SHANK2: variants seen among roughly 807,000 people sequenced by gnomAD.
SHANK2 encodes the protein SH3 and multiple ankyrin repeat domains protein 2.
SHANK2 carries 43 observed loss-of-function variants against 133.7 expected under a neutral mutation model. The observed-to-expected ratio is 0.32, with a 90% CI of 0.25 to 0.41. SHANK2 has a LOEUF of 0.41. SHANK2 is among the 10% of genes least tolerant of loss of function. The pLI is 1.00. For synonymous variants in SHANK2, 1,017 were observed against 952.8 expected (o/e 1.07, Z -1.24); for missense variants, 1,994 against 2,235.8 (o/e 0.89, Z 2.18).
chr11:71,154,313 G>A (rs1164082356), intron 2 of SHANK2, among the ~76,000 whole-genome samples: 4 of 152,266 alleles, frequency 2.6e-5, no homozygotes, highest in African/African-American at 4.8e-5. Flanking sequence ...AGGTTCCATC[G>A]GATGTTAGAA....
intron 12 of SHANK2, among the ~76,000 whole-genome samples, chr11:70,817,645 T>C (rs782652914): frequency 1.3e-5 from 2 of 152,180 alleles, no homozygotes; most frequent in Non-Finnish European, 2.9e-5. Flanking sequence ...TAAGAACCAA[T>C]GTGGAATGCG....
chr11:70,661,773 A>G (rs781867920), intron 15 of SHANK2, 95 bp from the exon 16 acceptor site: 9 of 1,613,910 alleles, frequency 5.6e-6, no homozygotes, highest in South Asian at 2.2e-5. Flanking sequence ...ATCATAGCCA[A>G]TTAATCACCC....
At chr11:70,781,587 C>T (rs1322841607) in intron 14 of SHANK2, among the ~76,000 whole-genome samples, 1,473 of 17,240 alleles carry the variant, frequency 0.085, 15 homozygotes, top group African/African-American at 0.14. Flanking sequence ...TATATATTTA[C>T]TTATTTATTT....
At chr11:70,550,001 C>A (rs1554977448) in intron 17 of SHANK2, among the ~76,000 whole-genome samples, 1 of 152,130 alleles carries the variant, frequency 6.6e-6, no homozygotes. Context: ...CAGGGCACTG[C>A]CCTGTAGCCT....
chr11:70,790,499 C>G (rs1947765006), intron 14 of SHANK2, among the ~76,000 whole-genome samples: 1 of 152,160 alleles, frequency 6.6e-6, no homozygotes, highest in South Asian at 2.1e-4. Context: ...GGTGGGCCTC[C>G]TCCAATCATT....
At chr11:70,649,360 G>A (rs1417176565) in intron 17 of SHANK2, among the ~76,000 whole-genome samples, 1 of 152,084 alleles carries the variant, frequency 6.6e-6, no homozygotes, top group African/African-American at 2.4e-5. Flanking sequence ...GACCACAGCG[G>A]GGCTACCATT....
intron 17 of SHANK2, among the ~76,000 whole-genome samples, chr11:70,565,827 CATT>C (rs1213081787): frequency 6.6e-6 from 1 of 152,050 alleles, no homozygotes; most frequent in Non-Finnish European, 1.5e-5. Context: ...CAGAAGTAGG[CATT>C]ATTATTATTA....
intron 15 of SHANK2, among the ~76,000 whole-genome samples, chr11:70,670,502 G>C (rs1171494946): frequency 6.6e-6 from 1 of 152,218 alleles, no homozygotes; most frequent in East Asian, 1.9e-4. Flanking sequence ...GCTGGCTGCA[G>C]GGCAGCACAG....
intron 1 of SHANK2, among the ~76,000 whole-genome samples, chr11:71,234,288 G>C (rs1249867800): frequency 2.7e-4 from 40 of 150,680 alleles, no homozygotes; most frequent in Non-Finnish European, 1.3e-4. Context: ...CTTGAACCTG[G>C]GAGGCGGAGG....
chr11:70,722,566 G>A (rs139453917), intron 14 of SHANK2, among the ~76,000 whole-genome samples: 4 of 152,136 alleles, frequency 2.6e-5, no homozygotes, highest in African/African-American at 4.8e-5. Context: ...TTGAAATTAC[G>A]TATATTGTTA....
intron 25 of SHANK2, among the ~76,000 whole-genome samples, chr11:70,484,896 A>G (rs1555152541): frequency 6.6e-6 from 1 of 151,788 alleles, no homozygotes; most frequent in Admixed American, 6.6e-5. Flanking sequence ...CCGCCCACCC[A>G]CTCGCTGCCC....
At chr11:70,831,107 G>A (rs576934172) in intron 11 of SHANK2, among the ~76,000 whole-genome samples, 40 of 152,300 alleles carry the variant, frequency 2.6e-4, no homozygotes, top group African/African-American at 9.4e-4. Context: ...TGGGCTGGGG[G>A]CAGGCGGGTA....
At chr11:70,796,288 C>A (rs1450786355) in intron 14 of SHANK2, among the ~76,000 whole-genome samples, 1 of 152,174 alleles carries the variant, frequency 6.6e-6, no homozygotes, top group Non-Finnish European at 1.5e-5. Context: ...TGCACACTAT[C>A]CTGGAAGCCG....
chr11:70,643,426 T>G (rs2061214113), intron 17 of SHANK2, among the ~76,000 whole-genome samples: 1 of 151,830 alleles, frequency 6.6e-6, no homozygotes, highest in African/African-American at 2.4e-5. Flanking sequence ...TAGCCGGGCG[T>G]GGTGGCAGGT....
At chr11:70,861,774 A>T (rs1307162723) in intron 11 of SHANK2, among the ~76,000 whole-genome samples, 1 of 152,182 alleles carries the variant, frequency 6.6e-6, no homozygotes, top group Admixed American at 6.5e-5. Context: ...CTCAGGCCAC[A>T]AAAGAAAGGC....
At position 70,599,605 on chromosome 11, in the gene SHANK2, CAAAAAAAAAAAAAAAAAA is replaced by C. The variant is rs1160187418; in HGVS notation, c.2061+60205_2061+60222del. Among the ~76,000 whole-genome samples the C allele has an allele frequency of 5.6e-4, 17 of 30,298 alleles. 1 individual carries two copies. The highest frequency in any genetic ancestry group is 0.036 in the Middle Eastern group (1 of 28). The allele number at this position is 30,298 out of a possible 152,430, so 19.9% of individuals were successfully genotyped here. A position where few individuals can be genotyped will look rare whatever the true frequency, so the allele number is the denominator to read the frequency against. On this transcript the variant is annotated intron_variant, in intron 17 of 25. Coordinates refer to ENST00000601538, the MANE Select transcript of SHANK2 (RefSeq NM_012309.5). ...CCTGGGCGACAGCGAGACTCCGTCT[CAAAAAAAAAAAAAAAAAA>C]AAAAAAAAAAAAAAAAAAATTGGCT...
intron 4 of SHANK2, among the ~76,000 whole-genome samples, chr11:71,114,063 A>G (rs1279730760): frequency 1.3e-5 from 2 of 152,166 alleles, no homozygotes; most frequent in South Asian, 2.1e-4. Flanking sequence ...AAGGATGCTG[A>G]GCATTTAGGA....
chr11:70,693,313 G>A (rs1555021511), intron 15 of SHANK2, among the ~76,000 whole-genome samples: 2 of 152,178 alleles, frequency 1.3e-5, no homozygotes, highest in East Asian at 1.9e-4. Context: ...CATGAAGCAC[G>A]AGGTCTTTCT....
At chr11:71,059,862 TG>T (rs1262913462) in intron 9 of SHANK2, among the ~76,000 whole-genome samples, 1 of 152,116 alleles carries the variant, frequency 6.6e-6, no homozygotes, top group Admixed American at 6.5e-5. Context: ...CCTGCATGCT[TG>T]GGGGTGCACT....
Sources: allele counts gnomAD v4.1 joint callset (sites outside exome capture counted in the v4.1 genomes callset), GRCh38; gene constraint gnomAD v4.1.1; transcripts MANE v1.5; gene names NCBI Gene and HGNC (gene_info 2026-07-23, HGNC 2026-07-21).